The following STXBP6 variants were observed in gnomAD, a reference collection of about 807,000 sequenced individuals.
The protein encoded by STXBP6 is syntaxin binding protein 6, also known as syntaxin-binding protein 6.
Under a neutral mutation model 26.9 loss-of-function variants are expected in STXBP6, and 21 were observed. The observed-to-expected ratio is 0.78, with a 90% CI of 0.55 to 1.12. The LOEUF (loss-of-function observed/expected upper bound fraction) is 1.12. Among genes scored for constraint, STXBP6 ranks in the 50% most tolerant of loss-of-function variants. The probability of loss-of-function intolerance (pLI) is 0.00; values close to 1 mark genes in which losing one functional copy is unlikely to be tolerated. For missense variants in STXBP6, 232 were observed against 257.9 expected (o/e 0.90, Z 0.69); for synonymous variants, 97 against 92.6 (o/e 1.05, Z -0.27).
intron 1 of STXBP6, among the ~76,000 whole-genome samples, chr14:24,998,259 T>C (rs899890520): frequency 6.6e-6 from 1 of 152,146 alleles, no homozygotes; most frequent in Admixed American, 6.5e-5. Context: ...ATTATGTTGA[T>C]TGTCTTTGTA....
chr14:25,010,431 C>T (rs1342545893), intron 1 of STXBP6: 4 of 152,138 alleles, frequency 2.6e-5, no homozygotes, highest in African/African-American at 9.7e-5. Flanking sequence ...ATTCCAATTG[C>T]CTGAGGCTAT....
rs1489252887 is a variant in STXBP6 at position 25,050,072 on chromosome 14, G to A, written c.-227C>T. ...CCGCGCGCGAAAAGGGAGGGGTTGG[G>A]GGGAAACTCCCGGCAACTCCAACTC... On this transcript the variant is annotated 5_prime_UTR_variant, in exon 1 of 6. Transcript: ENST00000323944. 6.0e-6 allele frequency: 1 copy of A among 167,374 alleles called. No individual in the cohort carries two copies. Among genetic ancestry groups the A allele is most frequent in the Non-Finnish European group, 1.2e-5 (1 of 82,042 alleles). The allele number at this position is 167,374 out of a possible 1,614,324, so 10.4% of individuals were successfully genotyped here.
intron 2 of STXBP6, among the ~76,000 whole-genome samples, chr14:24,903,629 T>A (rs929113307): frequency 6.6e-6 from 1 of 152,164 alleles, no homozygotes; most frequent in Non-Finnish European, 1.5e-5. Context: ...AATATCCAAG[T>A]GACATTTTGC....
chr14:24,828,967 T>C (rs563371354), intron 4 of STXBP6, among the ~76,000 whole-genome samples: 2 of 152,214 alleles, frequency 1.3e-5, no homozygotes, highest in African/African-American at 4.8e-5. Context: ...GCTTAAACGG[T>C]GCTACTGAGG....
At chr14:24,952,259 T>C (rs2073194314) in intron 2 of STXBP6, among the ~76,000 whole-genome samples, 1 of 151,446 alleles carries the variant, frequency 6.6e-6, no homozygotes, top group Admixed American at 6.6e-5. Flanking sequence ...AATAAGCTTA[T>C]TTCAGGCTGC....
intron 2 of STXBP6, among the ~76,000 whole-genome samples, chr14:24,954,991 C>G (rs2073292476): frequency 6.6e-6 from 1 of 152,212 alleles, no homozygotes; most frequent in Admixed American, 6.5e-5. Flanking sequence ...AAGGAGGTAA[C>G]ATGCATCCAT....
intron 4 of STXBP6, among the ~76,000 whole-genome samples, chr14:24,822,416 T>C (rs1375839657): frequency 1.3e-5 from 2 of 152,206 alleles, no homozygotes; most frequent in African/African-American, 2.4e-5. Context: ...GTTCAAAGCA[T>C]ACAAACATTT....
intron 2 of STXBP6, among the ~76,000 whole-genome samples, chr14:24,946,351 C>A (rs565982921): frequency 6.6e-6 from 1 of 151,986 alleles, no homozygotes; most frequent in African/African-American, 2.4e-5. Flanking sequence ...AGGGCCCAGG[C>A]GAGAGTCCTA....
chr14:24,844,458 G>C (rs1380923097), intron 4 of STXBP6, among the ~76,000 whole-genome samples: 1 of 152,162 alleles, frequency 6.6e-6, no homozygotes, highest in Non-Finnish European at 1.5e-5. Flanking sequence ...CATCTGAAGT[G>C]GGGAGTAGTC....
intron 4 of STXBP6, among the ~76,000 whole-genome samples, chr14:24,827,824 T>C (rs956851173): frequency 6.6e-6 from 1 of 152,182 alleles, no homozygotes; most frequent in African/African-American, 2.4e-5. Flanking sequence ...GGCTATTCGC[T>C]TGCCACCTCT....
chr14:25,049,299 C>T lies in STXBP6; in HGVS notation c.-33+579G>A, dbSNP rs973119276. 7.1e-6 allele frequency: 7 copies of T among 985,336 alleles called. No individual in the cohort carries two copies. The highest frequency in any genetic ancestry group is 9.4e-5 in the South Asian group (2 of 21,294). 61.0% of individuals were successfully genotyped at this position (985,336 alleles called of 1,614,324 possible). A position where few individuals can be genotyped will look rare whatever the true frequency, so the allele number is the denominator to read the frequency against. On this transcript the variant is annotated intron_variant, in intron 1 of 5. Transcript: ENST00000323944. This position sits in a 1 kb window ranked among gnomAD's most constrained non-coding sequence, Gnocchi z 5.6. ...TCGGAACCTGGCGCCCTTGACCAAG[C>T]CTGAGATCGGAAAGGGGGCATCGCC...
At chr14:24,985,084 G>C (rs555699935) in intron 1 of STXBP6, among the ~76,000 whole-genome samples, 13 of 152,304 alleles carry the variant, frequency 8.5e-5, no homozygotes, top group Admixed American at 5.2e-4. Flanking sequence ...ATAACAAATC[G>C]AGCTGTAGTT....
intron 2 of STXBP6, among the ~76,000 whole-genome samples, chr14:24,967,139 C>T (rs2073759932): frequency 6.6e-6 from 1 of 152,162 alleles, no homozygotes; most frequent in Non-Finnish European, 1.5e-5. Flanking sequence ...CTTGGGCAGG[C>T]TAATTTGCCT....
intron 1 of STXBP6, among the ~76,000 whole-genome samples, chr14:24,998,890 C>A (rs2074676689): frequency 6.6e-6 from 1 of 152,128 alleles, no homozygotes; most frequent in Non-Finnish European, 1.5e-5. Context: ...TTGGCCATTT[C>A]CAAGAAATTG....
intron 2 of STXBP6, 147 bp from the exon 3 acceptor site, chr14:24,857,304 A>C: frequency 9.5e-7 from 1 of 1,048,968 alleles, no homozygotes; most frequent in Non-Finnish European, 1.4e-6. Flanking sequence ...ATGAATAAAT[A>C]TGTGTGCCTT....
chr14:24,991,911 T>C (rs540775160), intron 1 of STXBP6, among the ~76,000 whole-genome samples: 5 of 152,308 alleles, frequency 3.3e-5, no homozygotes, highest in South Asian at 4.1e-4. Flanking sequence ...TGTGGCAATA[T>C]GGAACCCAGA....
chr14:24,973,792 C>T (rs766988748), intron 2 of STXBP6, among the ~76,000 whole-genome samples: 6 of 151,686 alleles, frequency 4.0e-5, no homozygotes, highest in Admixed American at 6.6e-5. Context: ...TTACTTTTAC[C>T]CTAAAATAAA....
chr14:24,863,329 G>A (rs1393513884), intron 2 of STXBP6, among the ~76,000 whole-genome samples: 1 of 152,002 alleles, frequency 6.6e-6, no homozygotes, highest in Non-Finnish European at 1.5e-5. Flanking sequence ...AGCTTCTTGT[G>A]GATAATTTGA....
intron 2 of STXBP6, among the ~76,000 whole-genome samples, chr14:24,920,094 A>G (rs1324847193): frequency 6.6e-6 from 1 of 152,096 alleles, no homozygotes; most frequent in East Asian, 1.9e-4. Context: ...TTAAGAGACC[A>G]GAATATCAAC....
Sources: gnomAD v4.1 joint callset for allele counts (sites outside exome capture counted in the v4.1 genomes callset) on GRCh38, gnomAD v4.1.1 for gene constraint, Gnocchi (gnomAD v3.1) non-coding constraint, MANE v1.5 for transcripts, NCBI Gene and HGNC (gene_info 2026-07-23, HGNC 2026-07-21) for gene names.